Variants in OR10A6 observed in about 807,000 individuals in gnomAD.
OR10A6 encodes the protein olfactory receptor 10A6.
OR10A6 carries 2 observed loss-of-function variants against 1.5 expected under a neutral mutation model. The observed-to-expected ratio is 1.31, with a 90% CI of 0.54 to 4.13. The LOEUF (loss-of-function observed/expected upper bound fraction) is 4.13. OR10A6 is among the 30% of genes most tolerant of loss of function. OR10A6 has a pLI of 0.07. For synonymous variants in OR10A6, 169 were observed against 137.3 expected, an observed-to-expected ratio of 1.23 and a Z score of -1.61; for missense variants, 492 against 368.6, an observed-to-expected ratio of 1.33 and a Z score of -2.74.
chr11:7,929,995 A>ATATATATATATATATATATAT lies in OR10A6; in HGVS notation c.-1334_-1333insATATATATATATATATATATA, dbSNP rs57836826. 5 of 63,142 alleles carry ATATATATATATATATATATAT rather than the reference A, an allele frequency of 7.9e-5. No homozygotes were observed. Among genetic ancestry groups the ATATATATATATATATATATAT allele is most frequent in the African/African-American group, 1.3e-4 (2 of 15,890 alleles). 3.9% of individuals were successfully genotyped at this position (63,142 alleles called of 1,614,324 possible). On this transcript the variant is annotated 5_prime_UTR_variant, in exon 4 of 4. Transcript: ENST00000641238. ...ATATATATATATATATATATATATAAAATCCCTCACTAGAGCTTAGCTCCC... is the reference window on the plus strand; with the variant it reads ...ATATATATATATATATATATATATAATATATATATATATATATATATAATCCCTCACTAGAGCTTAGCTCCC...
chr11:7,927,719 C>T lies in OR10A6; in HGVS notation c.944G>A (p.Ter315=), dbSNP rs769118883. Reference sequence around the variant, plus strand: ...ATCTTACATGGCTTCTCAACACAGTCAGATTGTGTGTAAAACCACTCGCCT... The same window carrying T: ...ATCTTACATGGCTTCTCAACACAGTTAGATTGTGTGTAAAACCACTCGCCT... The part of the protein sequence containing the change: ...WRRRVVLHTI[*] The change falls in exon 4 of 4, where the codon TGA becomes TAA. Residue 315 remains the stop codon, a stop_retained_variant. Transcript: ENST00000641238. 6.3e-7 allele frequency: 1 copy of T among 1,598,980 alleles called. No homozygotes were observed. The highest frequency in any genetic ancestry group is 8.6e-7 in the Non-Finnish European group (1 of 1,166,818).
rs1350249616 is a variant in OR10A6, at chr11:7,925,874, G to A, written c.*1844C>T. ...GAGGCAGCCAAATGCCTAGGCAGAT[G>A]GGGTGGGTTCCTGGTGAAACCCCAC... On this transcript the variant is annotated 3_prime_UTR_variant, in exon 4 of 4. Transcript: ENST00000641238. 2.0e-5 allele frequency: 3 copies of A among 152,208 alleles called. No homozygotes were observed. Among genetic ancestry groups the A allele is most frequent in the African/African-American group, 7.2e-5 (3 of 41,460 alleles). 9.4% of individuals were successfully genotyped at this position (152,208 alleles called of 1,614,324 possible). A position where few individuals can be genotyped will look rare whatever the true frequency, so the allele number is the denominator to read the frequency against.
Position 7,925,220 on chromosome 11 carries a change from A to G in OR10A6, c.*2498T>C, listed in dbSNP as rs949149668. The G allele has an allele frequency of 2.0e-5, 3 of 152,242 alleles. No homozygotes were observed. The highest frequency in any genetic ancestry group is 2.0e-4 in the Admixed American group (3 of 15,272). The allele number at this position is 152,242 out of a possible 1,614,324, so 9.4% of individuals were successfully genotyped here. ...TAGGCTATTATGTGTGAAGCATACTAACAATTTCTATTCATCAGAATAACA... is the reference window on the plus strand; with the variant it reads ...TAGGCTATTATGTGTGAAGCATACTGACAATTTCTATTCATCAGAATAACA... On this transcript the variant is annotated 3_prime_UTR_variant, in exon 4 of 4. Transcript: ENST00000641238.
chr11:7,927,964 C>T lies in OR10A6; in HGVS notation c.699G>A (p.Gly233=), dbSNP rs267603210. The T allele has an allele frequency of 6.2e-7, 1 of 1,613,868 alleles. No homozygotes were observed. The highest frequency in any genetic ancestry group is 1.1e-5 in the South Asian group (1 of 91,070). The change falls in exon 4 of 4, where the codon GGG becomes GGA. Residue 233 remains glycine, a synonymous_variant. Coordinates refer to ENST00000641238, the MANE Select transcript of OR10A6 (RefSeq NM_001004461.2). ...FAILKMPSTT[G]RQKAFSTCAA... ...CACAGGTGGAAAAGGCCTTTTGTCT[C>T]CCAGTGGTTGATGGCATCTTCAGGA... is the stretch of plus-strand genomic sequence containing the variant.
At chr11:7,931,053 G>C (rs1007727053) in intron 1 of OR10A6, 40 bp from the exon 2 acceptor site, 1 of 152,138 alleles carries the variant, frequency 6.6e-6, no homozygotes, top group African/African-American at 2.4e-5. Flanking sequence ...AAACCAAAAA[G>C]TCTACTGACT....
Position 7,930,473 on chromosome 11 carries a change from A to G in OR10A6, c.-1811T>C, listed in dbSNP as rs1159712319. ...ATGAGGAAGCCAGGAAGACAGATGGACACAGCAAGTTGAAGGCATACAGTG... is the reference window on the plus strand; with the variant it reads ...ATGAGGAAGCCAGGAAGACAGATGGGCACAGCAAGTTGAAGGCATACAGTG... On this transcript the variant is annotated 5_prime_UTR_variant, in exon 4 of 4. Coordinates refer to ENST00000641238, the MANE Select transcript of OR10A6 (RefSeq NM_001004461.2). 1 of 152,182 alleles carries G rather than the reference A, an allele frequency of 6.6e-6. No individual in the cohort carries two copies. The highest frequency in any genetic ancestry group is 1.5e-5 in the Non-Finnish European group (1 of 68,034). The allele number at this position is 152,182 out of a possible 1,614,324, so 9.4% of individuals were successfully genotyped here.
In OR10A6 at chr11:7,926,064, G is replaced by C. The variant is rs1184513578; in HGVS notation, c.*1654C>G. ...CTTTCCTAATTGGTTTTTCTACACT[G>C]TCATGCCCACCTTTGAGTGGTGTCT... On this transcript the variant is annotated 3_prime_UTR_variant, in exon 4 of 4. Coordinates refer to ENST00000641238, the MANE Select transcript of OR10A6 (RefSeq NM_001004461.2). 6.6e-6 allele frequency: 1 copy of C among 152,180 alleles called. No individual in the cohort carries two copies. Among genetic ancestry groups the C allele is most frequent in the Non-Finnish European group, 1.5e-5 (1 of 68,060 alleles). 9.4% of individuals were successfully genotyped at this position (152,180 alleles called of 1,614,324 possible). A position where few individuals can be genotyped will look rare whatever the true frequency, so the allele number is the denominator to read the frequency against.
rs1229073737 is a variant in OR10A6 at position 7,927,635 on chromosome 11, C to T, written c.*83G>A. ...TTAGTCATACTCATGCCAAAAAATG[C>T]AAACTTAATGAATCTAAATTTATTA... is the stretch of plus-strand genomic sequence containing the variant. On this transcript the variant is annotated 3_prime_UTR_variant, in exon 4 of 4. Transcript: ENST00000641238. The T allele has an allele frequency of 2.1e-6, 2 of 972,362 alleles. No individual in the cohort carries two copies. Among genetic ancestry groups the T allele is most frequent in the Non-Finnish European group, 3.0e-6 (2 of 655,962 alleles). The allele number at this position is 972,362 out of a possible 1,614,324, so 60.2% of individuals were successfully genotyped here. A position where few individuals can be genotyped will look rare whatever the true frequency, so the allele number is the denominator to read the frequency against.
intron 3 of OR10A6, 29 bp from the exon 4 acceptor site, chr11:7,930,544 C>G (rs1240293588): frequency 6.6e-6 from 1 of 152,126 alleles, no homozygotes; most frequent in Non-Finnish European, 1.5e-5. Context: ...CAGGAGAAGA[C>G]AAGTTACTTT....
chr11:7,928,603 A>G lies in OR10A6; in HGVS notation c.60T>C (p.Tyr20=), dbSNP rs373819279. The change falls in exon 4 of 4, where the codon TAT becomes TAC. Residue 20 remains tyrosine (Y), a synonymous_variant. Coordinates refer to ENST00000641238, the MANE Select transcript of OR10A6 (RefSeq NM_001004461.2). The part of the protein sequence containing the change: ...VEFILLGFSN[Y]PELQGQLFVA... ...CAAAGAGCTGCCCCTGGAGCTCAGG[A>G]TAGTTAGAAAAGCCCAAGAGGATGA... The G allele has an allele frequency of 3.7e-5, 59 of 1,610,508 alleles. No homozygotes were observed. The highest frequency in any genetic ancestry group is 8.8e-5 in the South Asian group (8 of 90,406).
In OR10A6 at chr11:7,924,709, TCACTACG is replaced by T. The variant is rs1859361766; in HGVS notation, c.*3002_*3008del. The T allele has an allele frequency of 6.6e-6, 1 of 152,014 alleles. No individual in the cohort carries two copies. Among genetic ancestry groups the T allele is most frequent in the Non-Finnish European group, 1.5e-5 (1 of 68,028 alleles). 9.4% of individuals were successfully genotyped at this position (152,014 alleles called of 1,614,324 possible). A position where few individuals can be genotyped will look rare whatever the true frequency, so the allele number is the denominator to read the frequency against. ...AATAGGCAGGAGAGGAATGATAAGGTCACTACGCAATGCCGTCACAGACCCAGGGGCC... is the reference window on the plus strand; with the variant it reads ...AATAGGCAGGAGAGGAATGATAAGGTCAATGCCGTCACAGACCCAGGGGCC... On this transcript the variant is annotated 3_prime_UTR_variant, in exon 4 of 4. Transcript: ENST00000641238.
In OR10A6 at chr11:7,925,775, CT is replaced by C. The variant is rs1218564477; in HGVS notation, c.*1942del. 3 of 152,306 alleles carry C rather than the reference CT, an allele frequency of 2.0e-5. No individual in the cohort carries two copies. In the East Asian group the frequency reaches 5.8e-4, roughly 29 times the overall value. 9.4% of individuals were successfully genotyped at this position (152,306 alleles called of 1,614,324 possible). A position where few individuals can be genotyped will look rare whatever the true frequency, so the allele number is the denominator to read the frequency against. ...TCAAGAGATGGGATCCAATCAAAGG[CT>C]TTTGCTGAGGGCTGTTTGGTGCCCA... On this transcript the variant is annotated 3_prime_UTR_variant, in exon 4 of 4. Coordinates refer to ENST00000641238, the MANE Select transcript of OR10A6 (RefSeq NM_001004461.2).
rs1224166201 is a variant in OR10A6, at chr11:7,927,969, T to C, written c.694A>G (p.Thr232Ala). The change falls in exon 4 of 4, where the codon ACT becomes GCT. Residue 232 changes from threonine to alanine, a missense_variant. Physicochemically the swap from Thr to Ala is moderately conservative, Grantham distance 58. Transcript: ENST00000641238. ...GTGGAAAAGGCCTTTTGTCTCCCAG[T>C]GGTTGATGGCATCTTCAGGATGGCA... ...LFAILKMPST[T>A]GRQKAFSTCA... The C allele has an allele frequency of 2.5e-6, 4 of 1,613,842 alleles. No homozygotes were observed. The highest frequency in any genetic ancestry group is 3.4e-6 in the Non-Finnish European group (4 of 1,179,998).
rs528995295 is a variant in OR10A6, at chr11:7,924,681, A to G, written c.*3037T>C. On this transcript the variant is annotated 3_prime_UTR_variant, in exon 4 of 4. Transcript: ENST00000641238. ...ATTTCTCTGAAGTAACAGTCAGTAA[A>G]CAAATAGGCAGGAGAGGAATGATAA... The G allele has an allele frequency of 1.3e-5, 2 of 152,266 alleles. No individual in the cohort carries two copies. The highest frequency in any genetic ancestry group is 1.3e-4 in the Admixed American group (2 of 15,274). The allele number at this position is 152,266 out of a possible 1,614,324, so 9.4% of individuals were successfully genotyped here. A position where few individuals can be genotyped will look rare whatever the true frequency, so the allele number is the denominator to read the frequency against.
In OR10A6 at chr11:7,926,081, G is replaced by T. The variant is rs986826498; in HGVS notation, c.*1637C>A. On this transcript the variant is annotated 3_prime_UTR_variant, in exon 4 of 4. Coordinates refer to ENST00000641238, the MANE Select transcript of OR10A6 (RefSeq NM_001004461.2). Reference sequence around the variant, plus strand: ...TCTACACTGTCATGCCCACCTTTGAGTGGTGTCTTCACTTTAACCTTTTTG... The same window carrying T: ...TCTACACTGTCATGCCCACCTTTGATTGGTGTCTTCACTTTAACCTTTTTG... 2 of 152,278 alleles carry T rather than the reference G, an allele frequency of 1.3e-5. No individual in the cohort carries two copies. Among genetic ancestry groups the T allele is most frequent in the Admixed American group, 6.5e-5 (1 of 15,288 alleles). The allele number at this position is 152,278 out of a possible 1,614,324, so 9.4% of individuals were successfully genotyped here.
Position 7,928,583 on chromosome 11 carries a change from A to G in OR10A6, c.80T>C (p.Leu27Pro), listed in dbSNP as rs745384037. The change falls in exon 4 of 4, where the codon CTC (leucine) becomes CCC (proline). Residue 27 changes from leucine (L) to proline (P), a missense_variant. Coordinates refer to ENST00000641238, the MANE Select transcript of OR10A6 (RefSeq NM_001004461.2). ...ATAAATAACCAGGAAAGCCACAAAG[A>G]GCTGCCCCTGGAGCTCAGGATAGTT... ...FSNYPELQGQLFVAFLVIYLV... is the reference protein window; with the variant it reads ...FSNYPELQGQPFVAFLVIYLV... 6.2e-7 allele frequency: 1 copy of G among 1,613,846 alleles called. No homozygotes were observed. The highest frequency in any genetic ancestry group is 1.1e-5 in the South Asian group (1 of 91,046).
chr11:7,930,124 A>C lies in OR10A6; in HGVS notation c.-1462T>G, dbSNP rs1289005860. 1 of 151,116 alleles carries C rather than the reference A, an allele frequency of 6.6e-6. No homozygotes were observed. The highest frequency in any genetic ancestry group is 1.5e-5 in the Non-Finnish European group (1 of 67,850). 9.4% of individuals were successfully genotyped at this position (151,116 alleles called of 1,614,324 possible). The stretch of plus-strand genomic sequence containing the variant: ...TTAAACCAACATTTTTGAATAAATG[A>C]ATTTTAAAATAAGAAAAACCTAGAC... On this transcript the variant is annotated 5_prime_UTR_variant, in exon 4 of 4. It adds an upstream start codon to the 5' untranslated region. Transcript: ENST00000641238.
Position 7,926,919 on chromosome 11 carries a change from T to A in OR10A6, c.*799A>T, listed in dbSNP as rs1454541893. Reference sequence around the variant, plus strand: ...AACAAAAAAACACAATCATACATTGTTTGGCCTGTATGAGGTGCATTTTTG... The same window carrying A: ...AACAAAAAAACACAATCATACATTGATTGGCCTGTATGAGGTGCATTTTTG... On this transcript the variant is annotated 3_prime_UTR_variant, in exon 4 of 4. Transcript: ENST00000641238. The A allele has an allele frequency of 2.0e-5, 3 of 152,154 alleles. No individual in the cohort carries two copies. Among genetic ancestry groups the A allele is most frequent in the African/African-American group, 7.2e-5 (3 of 41,424 alleles). The allele number at this position is 152,154 out of a possible 1,614,324, so 9.4% of individuals were successfully genotyped here.
rs571759210 is a variant in OR10A6, at chr11:7,927,977, G to A, written c.686C>T (p.Pro229Leu). The A allele has an allele frequency of 2.2e-5, 36 of 1,613,902 alleles. No individual in the cohort carries two copies. The African/African-American group carries it at 4.4e-4, about 20-fold the overall frequency. ...GGCCTTTTGTCTCCCAGTGGTTGAT[G>A]GCATCTTCAGGATGGCAAACAGAAC... ...IRVLFAILKM[P>L]STTGRQKAFS... The change falls in exon 4 of 4, where the codon CCA (proline) becomes CTA (leucine). Residue 229 changes from proline to leucine, a missense_variant. Pro to Leu is a moderately conservative substitution (Grantham distance 98). Coordinates refer to ENST00000641238, the MANE Select transcript of OR10A6 (RefSeq NM_001004461.2).
Sources: allele counts gnomAD v4.1 joint callset, GRCh38; gene constraint gnomAD v4.1.1; transcripts MANE v1.5; gene names NCBI Gene and HGNC (gene_info 2026-07-23, HGNC 2026-07-21).